The following MAPKAP1 variants were observed in gnomAD, a reference collection of about 807,000 sequenced individuals.
The protein encoded by MAPKAP1 is MAPK associated protein 1, also known as target of rapamycin complex 2 subunit MAPKAP1.
MAPKAP1 carries 20 observed loss-of-function variants against 65.7 expected under a neutral mutation model. The observed-to-expected ratio is 0.30, with a 90% CI of 0.21 to 0.44. The LOEUF (loss-of-function observed/expected upper bound fraction) is 0.44, where lower values mean the gene tolerates loss of function less well. MAPKAP1 is among the 20% of genes least tolerant of loss of function. The probability of loss-of-function intolerance (pLI) is 1.00; values close to 1 mark genes in which losing one functional copy is unlikely to be tolerated. For missense variants in MAPKAP1, 423 were observed against 648.0 expected (o/e 0.65, Z 3.77); for synonymous variants, 222 against 244.3 (o/e 0.91, Z 0.85).
At chr9:125,469,915 T>C (rs1853834517) in intron 9 of MAPKAP1, among the ~76,000 whole-genome samples, 1 of 152,178 alleles carries the variant, frequency 6.6e-6, no homozygotes, top group Non-Finnish European at 1.5e-5. Context: ...ACTGAAGCCA[T>C]GGTTGTCGGG....
chr9:125,597,742 A>T (rs781524505), intron 4 of MAPKAP1, among the ~76,000 whole-genome samples: 2 of 152,246 alleles, frequency 1.3e-5, no homozygotes, highest in African/African-American at 4.8e-5. Context: ...ATATCAGTGT[A>T]TCCAGACGAT....
intron 7 of MAPKAP1, among the ~76,000 whole-genome samples, chr9:125,535,313 C>A (rs1350462241): frequency 1.3e-5 from 2 of 152,216 alleles, no homozygotes; most frequent in Admixed American, 6.5e-5. Context: ...CAGTCCCCTA[C>A]CCAACCCAGT....
At chr9:125,693,329 G>A (rs1452859551) in intron 1 of MAPKAP1, among the ~76,000 whole-genome samples, 6 of 151,348 alleles carry the variant, frequency 4.0e-5, no homozygotes, top group East Asian at 1.9e-4. Context: ...CAGGAGAATC[G>A]CTTGAACCCA....
chr9:125,603,459 T>G (rs1416315204), intron 4 of MAPKAP1, among the ~76,000 whole-genome samples: 1 of 151,946 alleles, frequency 6.6e-6, no homozygotes, highest in Non-Finnish European at 1.5e-5. Flanking sequence ...AAGCAAAGGG[T>G]GTGAGGAGAC....
At chr9:125,704,403 T>G (rs1013652817) in intron 1 of MAPKAP1, among the ~76,000 whole-genome samples, 3 of 152,226 alleles carry the variant, frequency 2.0e-5, no homozygotes, top group Admixed American at 1.3e-4. Context: ...TGTTTCCTTC[T>G]CAGTGTTCTA....
rs149827211 is a variant in MAPKAP1, at chr9:125,502,553, A to G, written c.1066+3757T>C. On this transcript the variant is annotated intron_variant, in intron 8 of 11. Transcript: ENST00000265960. Reference sequence around the variant, plus strand: ...TCTATTATTATTTCTTTATTAAACCATGGGTTCAGAAACCTGTTTCTCAAT... The same window carrying G: ...TCTATTATTATTTCTTTATTAAACCGTGGGTTCAGAAACCTGTTTCTCAAT... Among the ~76,000 whole-genome samples, 177 of 152,304 alleles carry G rather than the reference A, an allele frequency of 1.2e-3. 1 individual carries two copies. The South Asian group carries it at 0.02, about 17-fold the overall frequency.
rs1401439432 is a variant in MAPKAP1, at chr9:125,438,268, T to C, written c.*619A>G. The stretch of plus-strand genomic sequence containing the variant: ...ACACCACTAGGTCTCTGTTCCTAAC[T>C]TTTAGTAAGACACTACCCTCGAAGC... On this transcript the variant is annotated 3_prime_UTR_variant, in exon 12 of 12. Coordinates refer to ENST00000265960, the MANE Select transcript of MAPKAP1 (RefSeq NM_001006617.3). The C allele has an allele frequency of 2.5e-6, 1 of 397,648 alleles. No individual in the cohort carries two copies. Among genetic ancestry groups the C allele is most frequent in the African/African-American group, 2.1e-5 (1 of 48,722 alleles). The allele number at this position is 397,648 out of a possible 1,614,324, so 24.6% of individuals were successfully genotyped here. A position where few individuals can be genotyped will look rare whatever the true frequency, so the allele number is the denominator to read the frequency against.
chr9:125,651,802 G>A (rs1483369852), intron 4 of MAPKAP1, among the ~76,000 whole-genome samples: 2 of 152,140 alleles, frequency 1.3e-5, no homozygotes, highest in Admixed American at 6.5e-5. Flanking sequence ...TTCATTCATG[G>A]TTACCCCCGC....
chr9:125,584,980 A>G (rs1831736695), intron 5 of MAPKAP1, among the ~76,000 whole-genome samples: 1 of 152,222 alleles, frequency 6.6e-6, no homozygotes, highest in South Asian at 2.1e-4. Flanking sequence ...TAGAACCATT[A>G]ACTGATAAAG....
chr9:125,572,719 G>A (rs949776675), intron 5 of MAPKAP1, among the ~76,000 whole-genome samples: 1 of 152,132 alleles, frequency 6.6e-6, no homozygotes, highest in Non-Finnish European at 1.5e-5. Flanking sequence ...TCCCATATCG[G>A]CTTAGTTCCA....
At chr9:125,496,864 G>A (rs1415010673) in intron 8 of MAPKAP1, among the ~76,000 whole-genome samples, 1 of 152,156 alleles carries the variant, frequency 6.6e-6, no homozygotes, top group Non-Finnish European at 1.5e-5. Flanking sequence ...GGAGATGTGA[G>A]GGGCTCAGGA....
intron 4 of MAPKAP1, among the ~76,000 whole-genome samples, chr9:125,617,903 C>G (rs1000073001): frequency 6.6e-6 from 1 of 152,158 alleles, no homozygotes; most frequent in Non-Finnish European, 1.5e-5. Flanking sequence ...ACATGAGTGA[C>G]TATTATACAA....
chr9:125,706,791 T>C (rs1264888068), intron 1 of MAPKAP1, among the ~76,000 whole-genome samples, 180 bp downstream of exon 1: 2 of 151,356 alleles, frequency 1.3e-5, no homozygotes, highest in African/African-American at 4.9e-5. Flanking sequence ...CGCCTCAGAC[T>C]CCTGACAGCC....
chr9:125,538,653 A>T (rs1265693966), intron 7 of MAPKAP1, among the ~76,000 whole-genome samples: 2 of 152,232 alleles, frequency 1.3e-5, no homozygotes, highest in East Asian at 3.9e-4. Flanking sequence ...CCTACTCCTA[A>T]ACTGTTCATA....
intron 9 of MAPKAP1, 28 bp downstream of exon 9, chr9:125,484,415 C>G: frequency 6.3e-7 from 1 of 1,585,090 alleles, no homozygotes; most frequent in African/African-American, 1.3e-5. Flanking sequence ...ACACGACAAG[C>G]TAGCTCATCA....
Position 125,707,033 on chromosome 9 carries a change from C to T in MAPKAP1, c.-132G>A. ...GGGACACGTTCCTGAGGGGAGGGCC[C>T]GGCTCCCCCACGCCTCCCGGCCCCT... On this transcript the variant is annotated 5_prime_UTR_variant, in exon 1 of 12. Coordinates refer to ENST00000265960, the MANE Select transcript of MAPKAP1 (RefSeq NM_001006617.3). The T allele has an allele frequency of 2.5e-6, 1 of 397,636 alleles. No individual in the cohort carries two copies. Among genetic ancestry groups the T allele is most frequent in the Admixed American group, 4.4e-5 (1 of 22,716 alleles). The allele number at this position is 397,636 out of a possible 1,614,324, so 24.6% of individuals were successfully genotyped here.
intron 9 of MAPKAP1, among the ~76,000 whole-genome samples, chr9:125,479,187 T>A (rs913017676): frequency 2.6e-5 from 4 of 152,240 alleles, no homozygotes; most frequent in African/African-American, 9.6e-5. Context: ...AAGCACTTGA[T>A]AATAACTGCT....
chr9:125,473,662 G>A (rs1284058880), intron 9 of MAPKAP1, among the ~76,000 whole-genome samples: 3 of 152,182 alleles, frequency 2.0e-5, no homozygotes, highest in Non-Finnish European at 4.4e-5. Context: ...AAGGAAATTA[G>A]CACCGCGTAG....
chr9:125,622,709 G>T (rs2131659849), intron 4 of MAPKAP1, among the ~76,000 whole-genome samples: 1 of 152,208 alleles, frequency 6.6e-6, no homozygotes, highest in South Asian at 2.1e-4. Flanking sequence ...CTCCCAAAGT[G>T]CTGGGATTAC....
Sources: allele counts gnomAD v4.1 joint callset (sites outside exome capture counted in the v4.1 genomes callset), GRCh38; gene constraint gnomAD v4.1.1; transcripts MANE v1.5; gene names NCBI Gene and HGNC (gene_info 2026-07-23, HGNC 2026-07-21).